CNNM2: variants seen among roughly 807,000 people sequenced by gnomAD.
The protein encoded by CNNM2 is metal transporter CNNM2.
CNNM2 carries 12 observed loss-of-function variants against 66.9 expected under a neutral mutation model. The ratio of observed to expected loss-of-function variants is 0.18; its 90% CI spans 0.11 to 0.29. CNNM2 has a LOEUF of 0.29. Among genes scored for constraint, CNNM2 ranks in the 10% least tolerant of loss-of-function variants. The pLI is 1.00. For synonymous variants in CNNM2, 557 were observed against 501.8 expected (o/e 1.11, Z -1.47); for missense variants, 705 against 1,167.7 (o/e 0.60, Z 5.77).
At chr10:103,076,051 C>G (rs1363704957) in intron 6 of CNNM2, 35 bp from the exon 7 acceptor site, 1 of 1,575,994 alleles carries the variant, frequency 6.3e-7, no homozygotes. Flanking sequence ...GTATCTACTT[C>G]ACTTAAACAG....
In CNNM2 at chr10:103,004,913, A is replaced by ATC. The variant is rs771713084; in HGVS notation, c.1622-44794_1622-44793insTC. On this transcript the variant is annotated intron_variant, in intron 1 of 7. Transcript: ENST00000369878. The stretch of plus-strand genomic sequence containing the variant: ...TATTGAATCTGTAGATCAACTTGAG[A>ATC]AAGAACTAGTGTTTCAACATCCAAA... Among the ~76,000 whole-genome samples the ATC allele has an allele frequency of 4.9e-4, 74 of 152,316 alleles. 1 individual carries two copies. Among genetic ancestry groups the ATC allele is most frequent in the Admixed American group, 9.2e-4 (14 of 15,294 alleles).
At chr10:103,036,104 C>G (rs909421515) in intron 1 of CNNM2, among the ~76,000 whole-genome samples, 22 of 151,346 alleles carry the variant, frequency 1.5e-4, no homozygotes, top group African/African-American at 5.3e-4. Context: ...AGTCAGGATC[C>G]AACCAGAGAA....
At position 103,083,698 on chromosome 10, in the gene CNNM2, G is replaced by C. The variant is rs906936186; in HGVS notation, c.*6518G>C. 6.6e-6 allele frequency: 1 copy of C among 152,162 alleles called. No homozygotes were observed. Among genetic ancestry groups the C allele is most frequent in the Non-Finnish European group, 1.5e-5 (1 of 68,030 alleles). 9.4% of individuals were successfully genotyped at this position (152,162 alleles called of 1,614,324 possible). A position where few individuals can be genotyped will look rare whatever the true frequency, so the allele number is the denominator to read the frequency against. On this transcript the variant is annotated 3_prime_UTR_variant, in exon 8 of 8. Coordinates refer to ENST00000369878, the MANE Select transcript of CNNM2 (RefSeq NM_017649.5). ...AGTTACTCTCTACATAAGAACATTC[G>C]GAGTATCCAGTCAAATTGCCCCAGA...
At chr10:103,012,916 C>A (rs1370798887) in intron 1 of CNNM2, among the ~76,000 whole-genome samples, 1 of 152,106 alleles carries the variant, frequency 6.6e-6, no homozygotes, top group Non-Finnish European at 1.5e-5. Context: ...CTTCTCTTTC[C>A]TTTTCCTATC....
At position 102,921,659 on chromosome 10, in the gene CNNM2, A is replaced by C. The variant is rs367696507; in HGVS notation, c.1621+1558A>C. 2.1e-4 allele frequency among the ~76,000 whole-genome samples: 32 copies of C among 152,264 alleles called. No individual in the cohort carries two copies. In the East Asian group the frequency reaches 2.1e-3, roughly 10 times the overall value. Reference sequence around the variant, plus strand: ...TTAATTAGAGCATCTAACTTCTTTCATTTTGCAGTAATATCTGTAATACAG... The same window carrying C: ...TTAATTAGAGCATCTAACTTCTTTCCTTTTGCAGTAATATCTGTAATACAG... On this transcript the variant is annotated intron_variant, in intron 1 of 7. Coordinates refer to ENST00000369878, the MANE Select transcript of CNNM2 (RefSeq NM_017649.5).
intron 1 of CNNM2, among the ~76,000 whole-genome samples, chr10:102,992,942 C>G (rs2063924451): frequency 6.6e-6 from 1 of 152,126 alleles, no homozygotes; most frequent in Non-Finnish European, 1.5e-5. Context: ...AGATTCCTGC[C>G]TTACTAATGT....
At chr10:103,041,790 C>G (rs1307409325) in intron 1 of CNNM2, among the ~76,000 whole-genome samples, 2 of 151,988 alleles carry the variant, frequency 1.3e-5, no homozygotes, top group Admixed American at 6.6e-5. Context: ...TTTATTCCCC[C>G]CTCCCCTTCC....
intron 1 of CNNM2, among the ~76,000 whole-genome samples, chr10:103,016,358 T>C (rs556036897): frequency 6.6e-6 from 1 of 152,278 alleles, no homozygotes; most frequent in African/African-American, 2.4e-5. Context: ...ATCTTTTCAA[T>C]ATTTCAATAT....
At chr10:102,994,166 A>C (rs1038166284) in intron 1 of CNNM2, among the ~76,000 whole-genome samples, 3 of 152,140 alleles carry the variant, frequency 2.0e-5, no homozygotes, top group African/African-American at 7.2e-5. Flanking sequence ...TGAACCCCTG[A>C]CCTCAAGTGA....
At chr10:103,050,330 G>A (rs1208769408) in intron 2 of CNNM2, among the ~76,000 whole-genome samples, 1 of 152,098 alleles carries the variant, frequency 6.6e-6, no homozygotes, top group Non-Finnish European at 1.5e-5. Flanking sequence ...TCAGGAGTTC[G>A]AGACTAGCCT....
At position 103,033,283 on chromosome 10, in the gene CNNM2, G is replaced by A. The variant is rs11191524; in HGVS notation, c.1622-16424G>A. 0.1 allele frequency among the ~76,000 whole-genome samples: 15,880 copies of A among 152,002 alleles called. 846 individuals are homozygous for A. The highest frequency in any genetic ancestry group is 0.18 in the Middle Eastern group (52 of 294). On this transcript the variant is annotated intron_variant, in intron 1 of 7. Transcript: ENST00000369878. ...AGCTCACTGCAACCTCCGCCTCCCA[G>A]GTTCAAGCAATTCTCCTGCCTCAGC...
At chr10:103,072,669 C>T (rs2065609939) in intron 6 of CNNM2, among the ~76,000 whole-genome samples, 2 of 152,230 alleles carry the variant, frequency 1.3e-5, no homozygotes. Flanking sequence ...AGGGAAAAGG[C>T]TTAATCTGTC....
At chr10:102,948,789 T>C (rs1415867803) in intron 1 of CNNM2, among the ~76,000 whole-genome samples, 1 of 152,050 alleles carries the variant, frequency 6.6e-6, no homozygotes, top group Non-Finnish European at 1.5e-5. Flanking sequence ...TGGTAAGAAA[T>C]GATGACAGCT....
intron 1 of CNNM2, among the ~76,000 whole-genome samples, chr10:102,962,402 G>T (rs1032995484): frequency 2.0e-5 from 3 of 152,186 alleles, no homozygotes; most frequent in South Asian, 4.1e-4. Flanking sequence ...TGCTATCACT[G>T]TGAGTGGGAA....
intron 1 of CNNM2, among the ~76,000 whole-genome samples, chr10:103,042,152 A>C (rs900765490): frequency 2.6e-5 from 4 of 152,210 alleles, no homozygotes; most frequent in Admixed American, 6.5e-5. Context: ...AAAGCAAGTC[A>C]GCCTGACTCT....
chr10:102,926,746 C>G (rs180957707), intron 1 of CNNM2, among the ~76,000 whole-genome samples: 2 of 134,636 alleles, frequency 1.5e-5, no homozygotes, highest in African/African-American at 5.6e-5. Flanking sequence ...GATGGAGTCT[C>G]GCACTGTTGC....
At chr10:102,928,448 G>A (rs375169005) in intron 1 of CNNM2, among the ~76,000 whole-genome samples, 3 of 152,212 alleles carry the variant, frequency 2.0e-5, no homozygotes, top group East Asian at 1.9e-4. Flanking sequence ...CAGCTGTGGT[G>A]GTGGGCGCCT....
chr10:102,953,723 C>T (rs1363816430), intron 1 of CNNM2, among the ~76,000 whole-genome samples: 1 of 151,854 alleles, frequency 6.6e-6, no homozygotes, highest in Non-Finnish European at 1.5e-5. Context: ...CCATGTCTGG[C>T]TAATTTTCTG....
In CNNM2 at chr10:103,084,862, C is replaced by T. The variant is rs1053249963; in HGVS notation, c.*7682C>T. 7 of 152,072 alleles carry T rather than the reference C, an allele frequency of 4.6e-5. No homozygotes were observed. The highest frequency in any genetic ancestry group is 3.3e-4 in the Admixed American group (5 of 15,266). 9.4% of individuals were successfully genotyped at this position (152,072 alleles called of 1,614,324 possible). On this transcript the variant is annotated 3_prime_UTR_variant, in exon 8 of 8. Coordinates refer to ENST00000369878, the MANE Select transcript of CNNM2 (RefSeq NM_017649.5). ...ATAGCCTGGAGTTGATTTCTGGAAACTTATTTTATACTTTTTGAAGGTAAT... is the reference window on the plus strand; with the variant it reads ...ATAGCCTGGAGTTGATTTCTGGAAATTTATTTTATACTTTTTGAAGGTAAT...
Sources: allele counts gnomAD v4.1 joint callset (sites outside exome capture counted in the v4.1 genomes callset), GRCh38; gene constraint gnomAD v4.1.1; transcripts MANE v1.5; gene names NCBI Gene and HGNC (gene_info 2026-07-23, HGNC 2026-07-21).